The following DHRSX variants were observed in gnomAD, a reference collection of about 807,000 sequenced individuals.
The protein encoded by DHRSX is dehydrogenase/reductase X-linked.
In DHRSX, 31 loss-of-function variants were observed where a neutral mutation model predicts 34.0. The observed-to-expected ratio is 0.91, with a 90% CI of 0.69 to 1.23. DHRSX has a LOEUF of 1.23. DHRSX is among the 50% of genes most tolerant of loss of function. DHRSX has a pLI of 0.00. For missense variants in DHRSX, 414 were observed against 428.1 expected, an observed-to-expected ratio of 0.97 and a Z score of 0.29; for synonymous variants, 201 against 183.8, an observed-to-expected ratio of 1.09 and a Z score of -0.76.
chrX:2,252,467 G>A (rs1307662523), intron 5 of DHRSX, among the ~76,000 whole-genome samples: 2 of 152,176 alleles, frequency 1.3e-5, no homozygotes, highest in African/African-American at 4.8e-5. Context: ...TGGCTTTCCT[G>A]CTGGCATGAT....
At chrX:2,490,454 G>A (rs760918136) in intron 1 of DHRSX, 18 of 1,613,872 alleles carry the variant, frequency 1.1e-5, no homozygotes, top group Non-Finnish European at 1.7e-6. Context: ...GGTGGCGAAG[G>A]CTTCACGCAT....
chrX:2,282,791 A>AGG (rs2041736545), intron 4 of DHRSX, among the ~76,000 whole-genome samples: 1 of 72,824 alleles, frequency 1.4e-5, no homozygotes, highest in Non-Finnish European at 3.0e-5. Context: ...GGGGAGAGAG[A>AGG]GAAGAAAGAG....
chrX:2,489,427 G>A (rs774004140), intron 1 of DHRSX: 3 of 1,613,942 alleles, frequency 1.9e-6, no homozygotes, highest in Non-Finnish European at 2.5e-6. Flanking sequence ...TGAGCGTGGT[G>A]TTCAGGAGCA....
intron 6 of DHRSX, among the ~76,000 whole-genome samples, chrX:2,229,218 G>A (rs960711581): frequency 6.6e-6 from 1 of 152,134 alleles, no homozygotes; most frequent in Non-Finnish European, 1.5e-5. Flanking sequence ...GGCAAGTAAA[G>A]AGACTCCTAG....
intron 3 of DHRSX, 33 bp downstream of exon 3, chrX:2,408,712 A>AC (rs1654037874): frequency 1.3e-6 from 2 of 1,578,184 alleles, no homozygotes; most frequent in South Asian, 2.4e-5. Context: ...AAAAAAAAAA[A>AC]CAAAAAAAAG....
At chrX:2,371,066 G>T (rs2043052675) in intron 3 of DHRSX, among the ~76,000 whole-genome samples, 1 of 151,916 alleles carries the variant, frequency 6.6e-6, no homozygotes, top group African/African-American at 2.4e-5. Context: ...TCCACCAGTG[G>T]TTGCATTAGT....
At chrX:2,373,896 T>C (rs368045666) in intron 3 of DHRSX, among the ~76,000 whole-genome samples, 1 of 151,706 alleles carries the variant, frequency 6.6e-6, no homozygotes, top group East Asian at 1.9e-4. Flanking sequence ...GGCACACAGG[T>C]GAGAGAGTGG....
chrX:2,446,157 T>A (rs896943229), intron 1 of DHRSX, among the ~76,000 whole-genome samples: 7 of 151,346 alleles, frequency 4.6e-5, no homozygotes, highest in African/African-American at 1.7e-4. Context: ...ACTACCACCA[T>A]GTACACACTA....
chrX:2,222,711 T>C (rs1378607404), intron 6 of DHRSX, among the ~76,000 whole-genome samples: 1 of 152,152 alleles, frequency 6.6e-6, no homozygotes, highest in East Asian at 1.9e-4. Flanking sequence ...AACCTAGCAC[T>C]GGTGAGAGTT....
chrX:2,302,397 A>T (rs1393261413), intron 3 of DHRSX, among the ~76,000 whole-genome samples: 5 of 152,124 alleles, frequency 3.3e-5, no homozygotes, highest in Admixed American at 3.3e-4. Flanking sequence ...GGATCGCTTG[A>T]GGTCAGGAGC....
At chrX:2,445,275 A>T (rs2044115762) in intron 1 of DHRSX, among the ~76,000 whole-genome samples, 1 of 152,178 alleles carries the variant, frequency 6.6e-6, no homozygotes, top group African/African-American at 2.4e-5. Context: ...GAAAAAGGAA[A>T]GGTGGGCTTT....
chrX:2,381,944 C>T (rs1458220000), intron 3 of DHRSX, among the ~76,000 whole-genome samples: 1 of 151,754 alleles, frequency 6.6e-6, no homozygotes, highest in Non-Finnish European at 1.5e-5. Context: ...GAAACTAAAA[C>T]ATGGCATTGT....
chrX:2,306,600 G>GCAC (rs2042099937), intron 3 of DHRSX, among the ~76,000 whole-genome samples: 1 of 151,762 alleles, frequency 6.6e-6, no homozygotes, highest in African/African-American at 2.4e-5. Context: ...TTACAGACGC[G>GCAC]CACCACCACG....
rs377002751 is a variant in DHRSX at position 2,336,754 on chromosome X, G to C, written c.287-45151C>G. Among the ~76,000 whole-genome samples, 6 of 152,104 alleles carry C rather than the reference G, an allele frequency of 3.9e-5. No homozygotes were observed. In the East Asian group the frequency reaches 9.7e-4, roughly 24 times the overall value. ...CCCACATCGTTATTTCAGACTTCTG[G>C]TCTCCAGGACTGGAAAAGAATAAAC... On this transcript the variant is annotated intron_variant, in intron 3 of 6. Transcript: ENST00000334651.
intron 1 of DHRSX, among the ~76,000 whole-genome samples, chrX:2,438,435 C>T (rs969285252): frequency 4.6e-5 from 7 of 151,996 alleles, no homozygotes; most frequent in African/African-American, 7.2e-5. Flanking sequence ...CTTTGGGAGG[C>T]TAAGGTGGGC....
chrX:2,499,617 A>G (rs750959479), intron 1 of DHRSX, among the ~76,000 whole-genome samples: 1 of 152,036 alleles, frequency 6.6e-6, no homozygotes, highest in African/African-American at 2.4e-5. Context: ...CAAAAAATTT[A>G]AAACATTAGC....
intron 3 of DHRSX, among the ~76,000 whole-genome samples, chrX:2,314,468 G>A (rs1212601758): frequency 6.6e-5 from 2 of 30,226 alleles, no homozygotes; most frequent in East Asian, 3.6e-4. Context: ...GAAGGAAGGG[G>A]AGAAGGAAGG....
At chrX:2,428,771 A>C (rs2043881084) in intron 1 of DHRSX, among the ~76,000 whole-genome samples, 1 of 152,156 alleles carries the variant, frequency 6.6e-6, no homozygotes, top group Non-Finnish European at 1.5e-5. Flanking sequence ...AAGTATAATA[A>C]AATAAAATAA....
intron 1 of DHRSX, among the ~76,000 whole-genome samples, chrX:2,498,401 A>C (rs892590759): frequency 5.3e-5 from 8 of 152,332 alleles, no homozygotes; most frequent in African/African-American, 1.9e-4. Context: ...GAAGCTGGCC[A>C]CCAGCAGACC....
Sources: gnomAD v4.1 joint callset for allele counts (sites outside exome capture counted in the v4.1 genomes callset) on GRCh38, gnomAD v4.1.1 for gene constraint, MANE v1.5 for transcripts, NCBI Gene and HGNC (gene_info 2026-07-23, HGNC 2026-07-21) for gene names.